The following RARRES2 variants were observed in gnomAD, a reference collection of about 807,000 sequenced individuals.
The protein encoded by RARRES2 is retinoic acid receptor responder protein 2.
In RARRES2, 12 loss-of-function variants were observed where a neutral mutation model predicts 17.9. The observed-to-expected ratio is 0.67, with a 90% CI of 0.43 to 1.08. The LOEUF (loss-of-function observed/expected upper bound fraction) is 1.08, where lower values mean the gene tolerates loss of function less well. RARRES2 is among the 50% of genes least tolerant of loss of function. The probability of loss-of-function intolerance (pLI) is 0.00; values close to 1 mark genes in which losing one functional copy is unlikely to be tolerated. For missense variants in RARRES2, 220 were observed against 210.1 expected, an observed-to-expected ratio of 1.05 and a Z score of -0.29; for synonymous variants, 82 against 86.8, an observed-to-expected ratio of 0.94 and a Z score of 0.31.
At position 150,340,642 on chromosome 7, in the gene RARRES2, T is replaced by C. The variant is rs1798463329; in HGVS notation, c.-20-13A>G. On this transcript the variant is annotated splice_polypyrimidine_tract_variant and intron_variant, in intron 1 of 5. Coordinates refer to ENST00000223271, the MANE Select transcript of RARRES2 (RefSeq NM_002889.4). ...TGTCACCCTGGCCCTGCGAAGCGGG[T>C]GTGCGCCCCTCAGCTCTCCGAGCCA... The C allele has an allele frequency of 6.8e-7, 1 of 1,471,554 alleles. No homozygotes were observed. Among genetic ancestry groups the C allele is most frequent in the Admixed American group, 2.2e-5 (1 of 44,958 alleles). 91.2% of individuals were successfully genotyped at this position (1,471,554 alleles called of 1,614,324 possible). A position where few individuals can be genotyped will look rare whatever the true frequency, so the allele number is the denominator to read the frequency against.
In RARRES2 at chr7:150,339,085, T is replaced by G. The variant is rs555156802; in HGVS notation, c.280-4A>C. On this transcript the variant is annotated splice_polypyrimidine_tract_variant and splice_region_variant and intron_variant, in intron 3 of 5. Transcript: ENST00000223271. ...AGGCCAGGCATTTCCGTTTCCTCTG[T>G]GGGGGAGCGGGGAGCATGGGGTGAG... 16 of 1,598,084 alleles carry G rather than the reference T, an allele frequency of 1.0e-5. No individual in the cohort carries two copies. In the African/African-American group the frequency reaches 1.1e-4, roughly 11 times the overall value.
At chr7:150,340,799 T>TCC in intron 1 of RARRES2, 170 bp from the exon 2 acceptor site, 2 of 594,530 alleles carry the variant, frequency 3.4e-6, no homozygotes, top group East Asian at 6.3e-5. Flanking sequence ...GACCTTAGGG[T>TCC]CCGCCTGGCC....
intron 5 of RARRES2, 69 bp from the exon 6 acceptor site, chr7:150,338,508 C>G: frequency 1.3e-6 from 2 of 1,517,862 alleles, no homozygotes; most frequent in Non-Finnish European, 1.8e-6. Flanking sequence ...GCTTTCCTCC[C>G]AGGCTTCTGA....
chr7:150,340,442 C>T lies in RARRES2; in HGVS notation c.168G>A (p.Val56=), dbSNP rs367990032. 43 of 1,600,986 alleles carry T rather than the reference C, an allele frequency of 2.7e-5. No individual in the cohort carries two copies. The highest frequency in any genetic ancestry group is 8.0e-5 in the African/African-American group (6 of 74,642). The change falls in exon 2 of 6, where the codon GTG becomes GTA. Residue 56 remains valine, a synonymous_variant. Transcript: ENST00000223271. ...AFQETSVESA[V]DTPFPAGIFV... ...CCCGGGCCATGCTACTCACCGTGTC[C>T]ACGGCGCTCTCCACACTGGTCTCCT...
intron 3 of RARRES2, 21 bp downstream of exon 3, chr7:150,340,079 C>G (rs1385251751): frequency 3.7e-6 from 6 of 1,602,606 alleles, no homozygotes; most frequent in Non-Finnish European, 5.1e-6. Flanking sequence ...GCGCCCATTG[C>G]TCTCACACCC....
At chr7:150,339,121 G>C (rs374620652) in intron 3 of RARRES2, 40 bp from the exon 4 acceptor site, 4 of 1,524,396 alleles carry the variant, frequency 2.6e-6, no homozygotes, top group Non-Finnish European at 3.6e-6. Flanking sequence ...CAGAGGAAAA[G>C]GGTGAGGGAG....
chr7:150,339,978 G>A (rs1798440131), intron 3 of RARRES2, 122 bp downstream of exon 3: 3 of 886,344 alleles, frequency 3.4e-6, no homozygotes, highest in East Asian at 2.4e-5. Context: ...CTAACCTCAG[G>A]GCTTCTTAAT....
At chr7:150,338,900 C>A in intron 4 of RARRES2, 86 bp downstream of exon 4, 1 of 1,544,490 alleles carries the variant, frequency 6.5e-7, no homozygotes, top group Non-Finnish European at 8.9e-7. Context: ...CTTGGCCAAG[C>A]TTTAGCCTCG....
chr7:150,341,001 T>G, intron 1 of RARRES2: 2 of 167,688 alleles, frequency 1.2e-5, no homozygotes, highest in Non-Finnish European at 1.3e-5. Flanking sequence ...CCTCTCTCCT[T>G]TCCCCGCTCA....
chr7:150,338,857 AGCG>A (rs1798404304), intron 4 of RARRES2, 116 bp from the exon 5 acceptor site: 1 of 1,555,584 alleles, frequency 6.4e-7, no homozygotes, highest in African/African-American at 1.4e-5. Context: ...AAACAGGCAC[AGCG>A]CTTTCTAGCC....
chr7:150,340,147 G>C lies in RARRES2; in HGVS notation c.232C>G (p.Arg78Gly). 6.2e-7 allele frequency: 1 copy of C among 1,614,120 alleles called. No homozygotes were observed. The highest frequency in any genetic ancestry group is 8.5e-7 in the Non-Finnish European group (1 of 1,180,016). The change falls in exon 3 of 6, where the codon CGG becomes GGG. Residue 78 changes from arginine to glycine, a missense_variant. Transcript: ENST00000223271. ...LEFKLQQTSC[R>G]KRDWKKPECK... ...TCGGGTTTCTTCCAGTCCCTCTTCC[G>C]GCAGCTTGTCTGCTGCAGCTTAAAT...
At position 150,340,526 on chromosome 7, in the gene RARRES2, C is replaced by G; in HGVS notation, c.84G>C (p.Arg28=). The part of the protein sequence containing the change: ...GVAELTEAQR[R]GLQVALEEFH... ...ATTCCTCCAGGGCCACCTGCAGGCC[C>G]CGGCGCTGGGCTTCCGTGAGCTCGG... Residue 28 remains arginine, a synonymous_variant, in exon 2 of 6, where the codon CGG becomes CGC. Transcript: ENST00000223271. 6.3e-7 allele frequency: 1 copy of G among 1,588,230 alleles called. No individual in the cohort carries two copies. The highest frequency in any genetic ancestry group is 8.6e-7 in the Non-Finnish European group (1 of 1,167,632).
chr7:150,338,437 T>G lies in RARRES2; in HGVS notation c.*13A>C, dbSNP rs4721. The G allele has an allele frequency of 0.41, 630,071 of 1,526,646 alleles. 134,126 individuals are homozygous for G. Among genetic ancestry groups the G allele is most frequent in the African/African-American group, 0.63 (46,164 of 72,836 alleles). The allele number at this position is 1,526,646 out of a possible 1,614,324, so 94.6% of individuals were successfully genotyped here. A position where few individuals can be genotyped will look rare whatever the true frequency, so the allele number is the denominator to read the frequency against. ...GCAGCGGTCCTGGAGGCACCACGCATCTCTAGACAAAAGGGGAAACAGGTT... is the reference window on the plus strand; with the variant it reads ...GCAGCGGTCCTGGAGGCACCACGCAGCTCTAGACAAAAGGGGAAACAGGTT... On this transcript the variant is annotated splice_region_variant and 3_prime_UTR_variant, in exon 6 of 6. Transcript: ENST00000223271.
At chr7:150,338,924 GGCTCA>G in intron 4 of RARRES2, 57 bp downstream of exon 4, 1 of 1,550,278 alleles carries the variant, frequency 6.5e-7, no homozygotes, top group Non-Finnish European at 8.9e-7. Context: ...CCAGCCCATA[GGCTCA>G]GCTTCCATCC....
chr7:150,340,547 C>T lies in RARRES2; in HGVS notation c.63G>A (p.Glu21=). The T allele has an allele frequency of 6.3e-7, 1 of 1,575,902 alleles. No individual in the cohort carries two copies. Among genetic ancestry groups the T allele is most frequent in the Non-Finnish European group, 8.6e-7 (1 of 1,161,686 alleles). Residue 21 remains glutamate (E), a synonymous_variant, in exon 2 of 6, where the codon GAG becomes GAA. Transcript: ENST00000223271. ...GGCCCCGGCGCTGGGCTTCCGTGAG[C>T]TCGGCGACGCCCACGCCCACCGCAC... ...WLGAVGVGVA[E]LTEAQRRGLQ... is the part of the protein sequence containing the mutation.
chr7:150,339,168 AT>A, intron 3 of RARRES2, 87 bp from the exon 4 acceptor site: 5 of 1,281,500 alleles, frequency 3.9e-6, no homozygotes, highest in Non-Finnish European at 5.6e-6. Flanking sequence ...AGGGCTGCCC[AT>A]CATGGGACCA....
Position 150,338,755 on chromosome 7 carries a change from A to G in RARRES2, c.376-14T>C, listed in dbSNP as rs903766565. On this transcript the variant is annotated splice_polypyrimidine_tract_variant and intron_variant, in intron 4 of 5. Transcript: ENST00000223271. ...CTCCTCAGCCTCCTGCCAGTGCCCA[A>G]AACTGTTCAGGCAGTGTAGGAGGGG... The G allele has an allele frequency of 3.8e-6, 6 of 1,559,838 alleles. No homozygotes were observed. Among genetic ancestry groups the G allele is most frequent in the Admixed American group, 1.9e-5 (1 of 51,798 alleles).
At chr7:150,340,049 C>T in intron 3 of RARRES2, 51 bp downstream of exon 3, 1 of 1,520,436 alleles carries the variant, frequency 6.6e-7, no homozygotes, top group Non-Finnish European at 9.1e-7. Context: ...ACCCCAAGTC[C>T]ATGCACTCAC....
rs548092093 is a variant in RARRES2, at chr7:150,340,505, C to T, written c.105G>A (p.Glu35=). ...AQRRGLQVAL[E]EFHKHPPVQW... ...GCACGGGCGGGTGCTTGTGAAATTC[C>T]TCCAGGGCCACCTGCAGGCCCCGGC... Residue 35 remains glutamate, a synonymous_variant, in exon 2 of 6, where the codon GAG becomes GAA. Coordinates refer to ENST00000223271, the MANE Select transcript of RARRES2 (RefSeq NM_002889.4). 34 of 1,603,736 alleles carry T rather than the reference C, an allele frequency of 2.1e-5. No homozygotes were observed. In the African/African-American group the frequency reaches 4.5e-4, roughly 21 times the overall value.
Sources: gnomAD v4.1 joint callset for allele counts on GRCh38, gnomAD v4.1.1 for gene constraint, MANE v1.5 for transcripts, NCBI Gene and HGNC (gene_info 2026-07-23, HGNC 2026-07-21) for gene names.